The following QTMAN variants were observed in gnomAD, a reference collection of about 807,000 sequenced individuals.
QTMAN encodes tRNA-queuosine alpha-mannosyltransferase.
the QTMAN span, among the ~76,000 whole-genome samples, chr2:143,980,268 A>G: frequency 6.6e-6 from 1 of 151,922 alleles, no homozygotes; most frequent in Non-Finnish European, 1.5e-5. Flanking sequence ...CTCACTTGTA[A>G]GTGAGAACAT....
the QTMAN span, among the ~76,000 whole-genome samples, chr2:143,966,111 CCT>C: frequency 6.6e-6 from 1 of 152,152 alleles, no homozygotes; most frequent in Admixed American, 6.5e-5. Flanking sequence ...TGCTTTCTTA[CCT>C]GTAAAACAGG....
At chr2:144,292,510 C>A in the QTMAN span, among the ~76,000 whole-genome samples, 1 of 151,998 alleles carries the variant, frequency 6.6e-6, no homozygotes, top group Non-Finnish European at 1.5e-5. Flanking sequence ...GTCTTTCTTT[C>A]TTATTAGGGC....
chr2:144,014,833 T>A, the QTMAN span, among the ~76,000 whole-genome samples: 4 of 152,228 alleles, frequency 2.6e-5, no homozygotes, highest in Non-Finnish European at 5.9e-5. Context: ...TATTTTTATT[T>A]CCCACTACCA....
the QTMAN span, among the ~76,000 whole-genome samples, chr2:144,147,848 G>C: frequency 2.0e-5 from 3 of 151,906 alleles, no homozygotes; most frequent in East Asian, 3.9e-4. Flanking sequence ...CACTGAGAAA[G>C]ATACAAATCA....
chr2:144,099,459 T>C, the QTMAN span, among the ~76,000 whole-genome samples: 1 of 152,342 alleles, frequency 6.6e-6, no homozygotes, highest in East Asian at 1.9e-4. Flanking sequence ...ATGTACTCTC[T>C]GTCCAGAGTA....
chr2:144,076,302 A>G, the QTMAN span, among the ~76,000 whole-genome samples: 3 of 152,266 alleles, frequency 2.0e-5, no homozygotes, highest in East Asian at 5.8e-4. Context: ...GGCACTACAC[A>G]AATCACTGCA....
the QTMAN span, among the ~76,000 whole-genome samples, chr2:144,236,874 G>C: frequency 6.6e-6 from 1 of 151,934 alleles, no homozygotes; most frequent in Middle Eastern, 3.2e-3. Flanking sequence ...ATCCTGAACT[G>C]AGATGCCACC....
the QTMAN span, among the ~76,000 whole-genome samples, chr2:144,019,611 T>C: frequency 1.2e-4 from 18 of 152,196 alleles, no homozygotes; most frequent in South Asian, 3.5e-3. Context: ...GAAGAATTGA[T>C]AGTGATTTTA....
chr2:144,317,942 T>C, the QTMAN span, among the ~76,000 whole-genome samples: 9 of 152,176 alleles, frequency 5.9e-5, no homozygotes, highest in East Asian at 1.4e-3. Flanking sequence ...TAAAATAACT[T>C]CAAACTATCA....
chr2:144,157,695 G>C, the QTMAN span, among the ~76,000 whole-genome samples: 1 of 151,858 alleles, frequency 6.6e-6, no homozygotes, highest in Admixed American at 6.6e-5. Context: ...TACTGAACAG[G>C]AAAGGTAAAT....
the QTMAN span, among the ~76,000 whole-genome samples, chr2:144,229,792 G>A: frequency 2.6e-5 from 4 of 152,210 alleles, no homozygotes; most frequent in East Asian, 1.9e-4. Context: ...AAATTGTCAC[G>A]AAGGTAAGTC....
the QTMAN span, among the ~76,000 whole-genome samples, chr2:144,176,800 A>G: frequency 6.6e-6 from 1 of 152,200 alleles, no homozygotes; most frequent in South Asian, 2.1e-4. Flanking sequence ...GGAAAGCTGT[A>G]CCATCTCCTT....
chr2:144,136,317 C>A, the QTMAN span, among the ~76,000 whole-genome samples: 2 of 146,358 alleles, frequency 1.4e-5, no homozygotes, highest in African/African-American at 5.1e-5. Context: ...CAGAGAGAGA[C>A]CCTGTCAAAA....
At chr2:144,074,059 A>G in the QTMAN span, among the ~76,000 whole-genome samples, 1 of 152,220 alleles carries the variant, frequency 6.6e-6, no homozygotes, top group Non-Finnish European at 1.5e-5. Context: ...AGCAATAAAG[A>G]GAACATGCTC....
the QTMAN span, among the ~76,000 whole-genome samples, chr2:143,960,430 T>C: frequency 1.3e-5 from 2 of 152,058 alleles, no homozygotes; most frequent in African/African-American, 4.8e-5. Flanking sequence ...CAGTCCAGGA[T>C]ATAATGTTCA....
At chr2:144,144,283 G>T in the QTMAN span, among the ~76,000 whole-genome samples, 1 of 151,872 alleles carries the variant, frequency 6.6e-6, no homozygotes, top group Admixed American at 6.6e-5. Flanking sequence ...AAAGATCCAA[G>T]ATAGTTTACA....
the QTMAN span, among the ~76,000 whole-genome samples, chr2:144,222,554 C>G: frequency 7.9e-5 from 12 of 151,816 alleles, no homozygotes; most frequent in African/African-American, 2.7e-4. Context: ...CACCTGTAAT[C>G]CCAGCACTTT....
chr2:144,040,180 G>A, the QTMAN span, among the ~76,000 whole-genome samples: 1 of 152,146 alleles, frequency 6.6e-6, no homozygotes, highest in Non-Finnish European at 1.5e-5. Flanking sequence ...AAAATGCCCA[G>A]TATTTAGTTT....
At chr2:144,047,833 G>C in the QTMAN span, among the ~76,000 whole-genome samples, 2 of 152,294 alleles carry the variant, frequency 1.3e-5, no homozygotes, top group Non-Finnish European at 1.5e-5. Flanking sequence ...TTAACCTGAT[G>C]TGCCATCAAG....
Sources: gnomAD v4.1 joint callset for allele counts (sites outside exome capture counted in the v4.1 genomes callset) on GRCh38, gnomAD v4.1.1 for gene constraint, MANE v1.5 for transcripts, NCBI Gene and HGNC (gene_info 2026-07-23, HGNC 2026-07-21) for gene names.